FARS2: variants seen among roughly 807,000 people sequenced by gnomAD.
The protein encoded by FARS2 is phenylalanine--tRNA ligase, mitochondrial.
FARS2 carries 40 observed loss-of-function variants against 46.4 expected under a neutral mutation model. The ratio of observed to expected loss-of-function variants is 0.86; its 90% CI spans 0.67 to 1.12. The LOEUF (loss-of-function observed/expected upper bound fraction) is 1.12. Among genes scored for constraint, FARS2 ranks in the 50% most tolerant of loss-of-function variants. The pLI is 0.00. For missense variants in FARS2, 513 were observed against 567.9 expected (o/e 0.90, Z 0.98); for synonymous variants, 234 against 214.9 (o/e 1.09, Z -0.78).
chr6:5,257,950 G>C (rs1372266041), upstream of FARS2, among the ~76,000 whole-genome samples: 1 of 152,198 alleles, frequency 6.6e-6, no homozygotes, highest in East Asian at 1.9e-4. Context: ...GGAGGGATGG[G>C]AGTGGAAGCT....
At chr6:5,531,221 GA>G (rs1441060210) in intron 4 of FARS2, among the ~76,000 whole-genome samples, 2 of 152,158 alleles carry the variant, frequency 1.3e-5, no homozygotes, top group African/African-American at 4.8e-5. Flanking sequence ...CCAGTCACTG[GA>G]AAATGGTGGG....
chr6:5,402,498 C>T (rs977679189), intron 2 of FARS2, among the ~76,000 whole-genome samples: 9 of 151,804 alleles, frequency 5.9e-5, no homozygotes, highest in African/African-American at 1.9e-4. Context: ...ATTTATTTGT[C>T]GTTCCTTTTT....
intron 4 of FARS2, among the ~76,000 whole-genome samples, chr6:5,535,318 A>G (rs1770126306): frequency 6.6e-6 from 1 of 152,226 alleles, no homozygotes; most frequent in South Asian, 2.1e-4. Flanking sequence ...GTGTATAGAA[A>G]TGTAAATATG....
intron 6 of FARS2, among the ~76,000 whole-genome samples, chr6:5,635,429 T>G (rs59525037): frequency 0.047 from 7,149 of 152,172 alleles, 459 homozygotes; most frequent in African/African-American, 0.14. Flanking sequence ...GAGGAAAAAA[T>G]AATAAAGCAG....
At chr6:5,512,489 G>A (rs1009146497) in intron 4 of FARS2, among the ~76,000 whole-genome samples, 8 of 152,078 alleles carry the variant, frequency 5.3e-5, no homozygotes, top group African/African-American at 1.9e-4. Context: ...GCTTTTGGGT[G>A]TCTTTATGAA....
intron 6 of FARS2, among the ~76,000 whole-genome samples, chr6:5,638,568 A>C (rs1056241182): frequency 6.6e-6 from 1 of 152,210 alleles, no homozygotes; most frequent in African/African-American, 2.4e-5. Flanking sequence ...CTGTCTCAAA[A>C]AACAAAAAAG....
At chr6:5,609,330 C>T in intron 5 of FARS2, 1 of 1,163,746 alleles carries the variant, frequency 8.6e-7, no homozygotes, top group Non-Finnish European at 1.3e-6. Flanking sequence ...ACCATAGGGA[C>T]CAGAGCTTCT....
At chr6:5,655,756 C>T (rs984515532) in intron 6 of FARS2, among the ~76,000 whole-genome samples, 17 of 152,206 alleles carry the variant, frequency 1.1e-4, no homozygotes, top group African/African-American at 3.9e-4. Flanking sequence ...GCAATATTTT[C>T]TCAGGTTCCA....
intron 2 of FARS2, among the ~76,000 whole-genome samples, chr6:5,394,056 T>C (rs1448510168): frequency 6.6e-6 from 1 of 152,244 alleles, no homozygotes; most frequent in Non-Finnish European, 1.5e-5. Context: ...AAGAAGAGTT[T>C]ATTTTCCTCT....
At chr6:5,440,224 A>G (rs1049555085) in intron 4 of FARS2, among the ~76,000 whole-genome samples, 12 of 152,206 alleles carry the variant, frequency 7.9e-5, no homozygotes, top group African/African-American at 2.4e-4. Flanking sequence ...ATGCATATTT[A>G]TAATTGTCAG....
chr6:5,715,850 C>T (rs895332467), intron 6 of FARS2, among the ~76,000 whole-genome samples: 2 of 152,216 alleles, frequency 1.3e-5, no homozygotes, highest in African/African-American at 4.8e-5. Context: ...TGCTGAGTTA[C>T]ACATGATAAC....
At chr6:5,660,476 A>G (rs1297026117) in intron 6 of FARS2, among the ~76,000 whole-genome samples, 1 of 151,980 alleles carries the variant, frequency 6.6e-6, no homozygotes, top group Admixed American at 6.5e-5. Context: ...TGAGACCCCC[A>G]TCTCTACAAA....
At chr6:5,341,928 A>C (rs1218260306) in intron 1 of FARS2, among the ~76,000 whole-genome samples, 1 of 152,244 alleles carries the variant, frequency 6.6e-6, no homozygotes, top group Non-Finnish European at 1.5e-5. Flanking sequence ...AAAAAATGAG[A>C]TAGGTAATAT....
At chr6:5,356,746 A>G (rs1359731135) in intron 1 of FARS2, among the ~76,000 whole-genome samples, 1 of 152,000 alleles carries the variant, frequency 6.6e-6, no homozygotes, top group Non-Finnish European at 1.5e-5. Flanking sequence ...CCAACTGTAT[A>G]TTTCCCCTCG....
intron 1 of FARS2, among the ~76,000 whole-genome samples, chr6:5,359,279 G>T (rs548042522): frequency 6.6e-6 from 1 of 152,006 alleles, no homozygotes; most frequent in South Asian, 2.1e-4. Context: ...ACCTCAGGGT[G>T]ATCCGCCCAC....
At chr6:5,407,114 G>C (rs1399077612) in intron 3 of FARS2, among the ~76,000 whole-genome samples, 4 of 136,778 alleles carry the variant, frequency 2.9e-5, no homozygotes, top group Non-Finnish European at 4.7e-5. Context: ...TTAGTAATCA[G>C]GGAAAAACAA....
intron 5 of FARS2, among the ~76,000 whole-genome samples, chr6:5,555,765 A>G (rs560850598): frequency 1.3e-5 from 2 of 152,256 alleles, no homozygotes; most frequent in South Asian, 4.1e-4. Context: ...CTTTTGCTGG[A>G]GAAGAGATGT....
intron 6 of FARS2, among the ~76,000 whole-genome samples, chr6:5,645,376 T>C (rs1777025144): frequency 6.6e-6 from 1 of 152,176 alleles, no homozygotes; most frequent in African/African-American, 2.4e-5. Context: ...AATTGAGCTG[T>C]GTGGTTGATT....
intron 3 of FARS2, among the ~76,000 whole-genome samples, chr6:5,406,237 A>G (rs138161122): frequency 1.4e-3 from 217 of 152,306 alleles, no homozygotes; most frequent in Non-Finnish European, 2.4e-3. Flanking sequence ...TGTAATTAAC[A>G]TAAAGTAAGC....
Sources: gnomAD v4.1 joint callset for allele counts (sites outside exome capture counted in the v4.1 genomes callset) on GRCh38, gnomAD v4.1.1 for gene constraint, MANE v1.5 for transcripts, NCBI Gene and HGNC (gene_info 2026-07-23, HGNC 2026-07-21) for gene names.